The following CAPZB variants were observed in gnomAD, a reference collection of about 807,000 sequenced individuals.
CAPZB encodes the protein F-actin-capping protein subunit beta.
In CAPZB, 2 loss-of-function variants were observed where a neutral mutation model predicts 38.1. The ratio of observed to expected loss-of-function variants is 0.05; its 90% CI spans 0.02 to 0.17. The LOEUF is 0.17. Ranked by LOEUF, CAPZB falls within the 10% of genes least tolerant of loss-of-function variation. CAPZB has a pLI of 1.00. For synonymous variants in CAPZB, 107 were observed against 127.4 expected (o/e 0.84, Z 1.08); for missense variants, 161 against 334.2 (o/e 0.48, Z 4.04).
intron 1 of CAPZB, among the ~76,000 whole-genome samples, chr1:19,438,671 C>T (rs558816683): frequency 2.0e-5 from 3 of 152,296 alleles, no homozygotes; most frequent in South Asian, 2.1e-4. Flanking sequence ...AGGTCTGCTC[C>T]GCCTCATCCA....
At chr1:19,468,441 CG>C (rs1472986873) in intron 1 of CAPZB, among the ~76,000 whole-genome samples, 1 of 152,110 alleles carries the variant, frequency 6.6e-6, no homozygotes, top group Non-Finnish European at 1.5e-5. Flanking sequence ...TTCACTAGCT[CG>C]GGGTCCCCAA....
At chr1:19,443,377 CAGAG>C (rs1339253482) in intron 1 of CAPZB, among the ~76,000 whole-genome samples, 1 of 152,072 alleles carries the variant, frequency 6.6e-6, no homozygotes, top group African/African-American at 2.4e-5. Context: ...GCCTGGGCAA[CAGAG>C]AAAGACCCTA....
Position 19,356,675 on chromosome 1 carries a change from C to G in CAPZB, c.548G>C (p.Gly183Ala). Residue 183 changes from glycine to alanine, a missense_variant, in exon 6 of 9, where the codon GGC (glycine) becomes GCC (alanine). By Grantham distance (60) the Gly-to-Ala change is moderately conservative. Coordinates refer to ENST00000264202, the MANE Select transcript of CAPZB (RefSeq NM_004930.5). This position sits in a 1 kb window ranked among gnomAD's most constrained non-coding sequence, Gnocchi z 4.3. Reference protein sequence around the residue: ...VMLWLQTNKSGSGTMNLGGSL... With the variant: ...VMLWLQTNKSASGTMNLGGSL... ...GCCTCCGAGGTTCATGGTGCCAGAG[C>G]CAGATTTGTTGGTCTGCAGCCACAG... The G allele has an allele frequency of 6.2e-7, 1 of 1,614,064 alleles. No homozygotes were observed. The highest frequency in any genetic ancestry group is 1.3e-5 in the African/African-American group (1 of 75,020).
At chr1:19,426,696 T>C (rs971591286) in intron 1 of CAPZB, among the ~76,000 whole-genome samples, 3 of 152,100 alleles carry the variant, frequency 2.0e-5, no homozygotes, top group African/African-American at 7.2e-5. Flanking sequence ...CTCCCACTGT[T>C]CCAGCTTCAG....
At chr1:19,468,562 T>TGGGGCGGAGCAGGGC (rs2094575941) in intron 1 of CAPZB, among the ~76,000 whole-genome samples, 1 of 151,826 alleles carries the variant, frequency 6.6e-6, no homozygotes. Context: ...TGCGGCAGGG[T>TGGGGCGGAGCAGGGC]GGGGCGGAGC....
chr1:19,371,847 A>G (rs1040206860), intron 4 of CAPZB, among the ~76,000 whole-genome samples: 37 of 152,264 alleles, frequency 2.4e-4, no homozygotes, highest in African/African-American at 8.9e-4. Context: ...CATTTCTCAC[A>G]TGTGAACATG....
chr1:19,399,743 A>T (rs2100343724), intron 2 of CAPZB, among the ~76,000 whole-genome samples: 1 of 152,322 alleles, frequency 6.6e-6, no homozygotes, highest in Middle Eastern at 3.4e-3. Context: ...TTTTGCTTAA[A>T]AAAAGGGCTG....
chr1:19,375,316 C>T (rs893559089), intron 4 of CAPZB, among the ~76,000 whole-genome samples: 1 of 152,260 alleles, frequency 6.6e-6, no homozygotes, highest in African/African-American at 2.4e-5. Flanking sequence ...TCCGATGGCA[C>T]TGGGTGAGTC....
intron 1 of CAPZB, among the ~76,000 whole-genome samples, chr1:19,452,377 C>G (rs1215150216): frequency 6.6e-6 from 1 of 152,222 alleles, no homozygotes; most frequent in Admixed American, 6.5e-5. Context: ...AGAGGCTGTT[C>G]TTGGTCGCCT....
chr1:19,468,777 ACT>A (rs1291573916), intron 1 of CAPZB, among the ~76,000 whole-genome samples: 1 of 151,356 alleles, frequency 6.6e-6, no homozygotes, highest in Non-Finnish European at 1.5e-5. Flanking sequence ...CTCCTGGGCC[ACT>A]GAGTCGGCAC....
At chr1:19,385,257 T>C (rs1035031698) in intron 3 of CAPZB, among the ~76,000 whole-genome samples, 3 of 152,222 alleles carry the variant, frequency 2.0e-5, no homozygotes, top group Admixed American at 6.5e-5. Flanking sequence ...TTTGGTCCGC[T>C]GCTCTATCTC....
At chr1:19,404,122 A>T (rs2094317609) in intron 2 of CAPZB, among the ~76,000 whole-genome samples, 1 of 151,124 alleles carries the variant, frequency 6.6e-6, no homozygotes, top group Admixed American at 6.6e-5. Context: ...AGTCCCAGCT[A>T]CTCGGGAGGC....
At chr1:19,418,105 C>T (rs1485692218) in intron 2 of CAPZB, among the ~76,000 whole-genome samples, 1 of 117,464 alleles carries the variant, frequency 8.5e-6, no homozygotes, top group Non-Finnish European at 1.6e-5. Flanking sequence ...CACTGCACTA[C>T]AGCCCGGGTG....
chr1:19,473,411 C>T (rs1465561356), intron 1 of CAPZB, among the ~76,000 whole-genome samples: 2 of 152,154 alleles, frequency 1.3e-5, no homozygotes, highest in African/African-American at 2.4e-5. Context: ...TAATCCAAGT[C>T]CCCTTGCATG....
At chr1:19,437,191 T>A (rs1178946947) in intron 1 of CAPZB, among the ~76,000 whole-genome samples, 1 of 152,210 alleles carries the variant, frequency 6.6e-6, no homozygotes, top group Non-Finnish European at 1.5e-5. Context: ...AGAGCTTTCA[T>A]TAAAAGCAAA....
chr1:19,420,401 A>C (rs2094396685), intron 1 of CAPZB, among the ~76,000 whole-genome samples: 1 of 152,110 alleles, frequency 6.6e-6, no homozygotes, highest in Non-Finnish European at 1.5e-5. Context: ...CTTGTTTATC[A>C]AGCACTCTTT....
chr1:19,485,500 C>A lies in CAPZB; in HGVS notation c.-62G>T, dbSNP rs556448734. On this transcript the variant is annotated 5_prime_UTR_variant, in exon 1 of 9. Coordinates refer to ENST00000264202, the MANE Select transcript of CAPZB (RefSeq NM_004930.5). ...AGTGGCTCTCCCCCCCGCAGCAGGGCCCGGCGCTTCCACTTCCCCGGGTGC... is the reference window on the plus strand; with the variant it reads ...AGTGGCTCTCCCCCCCGCAGCAGGGACCGGCGCTTCCACTTCCCCGGGTGC... 5 of 1,220,532 alleles carry A rather than the reference C, an allele frequency of 4.1e-6. No homozygotes were observed. Among genetic ancestry groups the A allele is most frequent in the South Asian group, 4.1e-5 (1 of 24,184 alleles). 75.6% of individuals were successfully genotyped at this position (1,220,532 alleles called of 1,614,324 possible). A position where few individuals can be genotyped will look rare whatever the true frequency, so the allele number is the denominator to read the frequency against.
At position 19,356,823 on chromosome 1, in the gene CAPZB, C is replaced by A; in HGVS notation, c.472-72G>T. On this transcript the variant is annotated intron_variant, in intron 5 of 8. Transcript: ENST00000264202. This position sits in a 1 kb window ranked among gnomAD's most constrained non-coding sequence, Gnocchi z 4.3. Reference sequence around the variant, plus strand: ...GTGGCCCCTGGAATTCAGGGTCATCCTAACATCTCCCTTCCTAGGTCATTA... The same window carrying A: ...GTGGCCCCTGGAATTCAGGGTCATCATAACATCTCCCTTCCTAGGTCATTA... 1 of 887,550 alleles carries A rather than the reference C, an allele frequency of 1.1e-6. No individual in the cohort carries two copies. Among genetic ancestry groups the A allele is most frequent in the Non-Finnish European group, 1.8e-6 (1 of 544,240 alleles). 55.0% of individuals were successfully genotyped at this position (887,550 alleles called of 1,614,324 possible).
chr1:19,419,338 T>C (rs561756901), intron 2 of CAPZB, among the ~76,000 whole-genome samples: 1 of 152,310 alleles, frequency 6.6e-6, no homozygotes, highest in African/African-American at 2.4e-5. Context: ...GCTGAATGCC[T>C]GCGGGATGGG....
Sources: allele counts gnomAD v4.1 joint callset (sites outside exome capture counted in the v4.1 genomes callset), GRCh38; gene constraint gnomAD v4.1.1; non-coding constraint Gnocchi (gnomAD v3.1); transcripts MANE v1.5; gene names NCBI Gene and HGNC (gene_info 2026-07-23, HGNC 2026-07-21).